Variants in PRMT8 observed in about 807,000 individuals in gnomAD.
PRMT8 encodes protein arginine N-methyltransferase 8.
Under a neutral mutation model 47.1 loss-of-function variants are expected in PRMT8, and 7 were observed. The ratio of observed to expected loss-of-function variants is 0.15; its 90% CI spans 0.08 to 0.28. The LOEUF is 0.28. Among genes scored for constraint, PRMT8 ranks in the 10% least tolerant of loss-of-function variants. PRMT8 has a pLI of 1.00. For missense variants in PRMT8, 237 were observed against 505.4 expected (o/e 0.47, Z 5.09); for synonymous variants, 188 against 186.5 (o/e 1.01, Z -0.07).
At chr12:3,577,212 C>G (rs2137219508) in intron 7 of PRMT8, among the ~76,000 whole-genome samples, 1 of 152,272 alleles carries the variant, frequency 6.6e-6, no homozygotes, top group Admixed American at 6.5e-5. Context: ...AGGGCCCCAG[C>G]ACAGGGGCCC....
intron 1 of PRMT8, among the ~76,000 whole-genome samples, chr12:3,434,125 G>C (rs1333244299): frequency 6.6e-6 from 1 of 152,198 alleles, no homozygotes; most frequent in Non-Finnish European, 1.5e-5. Flanking sequence ...GTGACCTGGA[G>C]AGGATGATGA....
At chr12:3,434,555 G>T (rs1864717080) in intron 1 of PRMT8, among the ~76,000 whole-genome samples, 1 of 152,176 alleles carries the variant, frequency 6.6e-6, no homozygotes, top group Admixed American at 6.5e-5. Flanking sequence ...ATCCCCTACA[G>T]ATTCATCAGT....
chr12:3,553,788 T>C lies in PRMT8; in HGVS notation c.481+74T>C. The C allele has an allele frequency of 2.9e-6, 4 of 1,380,612 alleles. No individual in the cohort carries two copies. In the East Asian group the frequency reaches 9.1e-5, roughly 32 times the overall value. 85.5% of individuals were successfully genotyped at this position (1,380,612 alleles called of 1,614,324 possible). Reference sequence around the variant, plus strand: ...CTCACACTTTCTTGTTGGGATGGCATAGCGGGAGGAGCGCAGAGCACTTGG... The same window carrying C: ...CTCACACTTTCTTGTTGGGATGGCACAGCGGGAGGAGCGCAGAGCACTTGG... On this transcript the variant is annotated intron_variant, in intron 4 of 9. Coordinates refer to ENST00000382622, the MANE Select transcript of PRMT8 (RefSeq NM_019854.5).
intron 1 of PRMT8, among the ~76,000 whole-genome samples, chr12:3,421,016 A>G (rs1477350943): frequency 2.0e-5 from 3 of 152,242 alleles, no homozygotes; most frequent in African/African-American, 4.8e-5. Context: ...CAGGCATTCC[A>G]CTGGGAGGAG....
intron 1 of PRMT8, among the ~76,000 whole-genome samples, chr12:3,447,544 G>A (rs940566999): frequency 6.6e-6 from 1 of 152,042 alleles, no homozygotes; most frequent in Non-Finnish European, 1.5e-5. Flanking sequence ...TCAAGACGCA[G>A]CACAGACATC....
At chr12:3,427,359 T>C (rs1461977603) in intron 1 of PRMT8, among the ~76,000 whole-genome samples, 1 of 152,174 alleles carries the variant, frequency 6.6e-6, no homozygotes, top group East Asian at 1.9e-4. Context: ...GAAAAACCCA[T>C]TGTGTTTTTA....
intron 1 of PRMT8, among the ~76,000 whole-genome samples, chr12:3,524,880 G>T (rs1865929464): frequency 6.6e-6 from 1 of 152,162 alleles, no homozygotes; most frequent in South Asian, 2.1e-4. Flanking sequence ...TGAGTCCATT[G>T]TTTGGGTTTA....
In PRMT8 at chr12:3,593,693, A is replaced by C. The variant is rs1867364509; in HGVS notation, c.*511A>C. The C allele has an allele frequency of 6.0e-6, 1 of 165,750 alleles. No homozygotes were observed. The highest frequency in any genetic ancestry group is 6.3e-5 in the Admixed American group (1 of 15,884). The allele number at this position is 165,750 out of a possible 1,614,324, so 10.3% of individuals were successfully genotyped here. On this transcript the variant is annotated 3_prime_UTR_variant, in exon 10 of 10. Coordinates refer to ENST00000382622, the MANE Select transcript of PRMT8 (RefSeq NM_019854.5). The surrounding 1 kb of genome is among the most constrained non-coding windows in gnomAD (Gnocchi z 4.8). ...ACACCTGTATATGCGTGCATATACA[A>C]CCAAGTGGGTAGACCTAGGTGTTCT...
chr12:3,418,568 G>T (rs1430682795), intron 1 of PRMT8, among the ~76,000 whole-genome samples: 1 of 152,196 alleles, frequency 6.6e-6, no homozygotes, highest in South Asian at 2.1e-4. Context: ...GCTGCAAGGG[G>T]CATCCTGCTG....
intron 4 of PRMT8, 24 bp downstream of exon 4, chr12:3,553,738 T>C (rs1236939680): frequency 8.4e-6 from 13 of 1,552,722 alleles, no homozygotes; most frequent in Non-Finnish European, 1.2e-5. Flanking sequence ...CTGAGTGTTT[T>C]CTCCTGGATG....
At position 3,409,179 on chromosome 12, in the gene PRMT8, G is replaced by A. The variant is rs1187828377; in HGVS notation, c.48+27737G>A. On this transcript the variant is annotated intron_variant, in intron 1 of 9. Transcript: ENST00000452611. This position sits in a 1 kb window ranked among gnomAD's most constrained non-coding sequence, Gnocchi z 4.4. ...AATGCAGATGGCCCACAAAGCTGGT[G>A]TCGGTGACTCTGAGGCACACTGCAG... Among the ~76,000 whole-genome samples the A allele has an allele frequency of 6.6e-6, 1 of 152,172 alleles. No individual in the cohort carries two copies. The highest frequency in any genetic ancestry group is 2.4e-5 in the African/African-American group (1 of 41,438).
At chr12:3,440,931 A>G (rs1227024069) in intron 1 of PRMT8, among the ~76,000 whole-genome samples, 1 of 152,170 alleles carries the variant, frequency 6.6e-6, no homozygotes. Context: ...TTCTCTAAAG[A>G]TAGGGATTTA....
chr12:3,540,923 A>T, intron 2 of PRMT8, 132 bp downstream of exon 2: 1 of 1,108,376 alleles, frequency 9.0e-7, no homozygotes, highest in Middle Eastern at 2.6e-4. Flanking sequence ...GAGTCCTCTG[A>T]CCCTTTCTCC....
At chr12:3,587,415 A>G (rs1029066192) in intron 8 of PRMT8, among the ~76,000 whole-genome samples, 2 of 151,936 alleles carry the variant, frequency 1.3e-5, no homozygotes, top group African/African-American at 2.4e-5. Context: ...AAATATAAAT[A>G]TTGACTAGAA....
In PRMT8 at chr12:3,576,189, A is replaced by T. The variant is rs1591611593; in HGVS notation, c.713-682A>T. Among the ~76,000 whole-genome samples the T allele has an allele frequency of 6.6e-6, 1 of 152,312 alleles. No homozygotes were observed. Among genetic ancestry groups the T allele is most frequent in the African/African-American group, 2.4e-5 (1 of 41,578 alleles). On this transcript the variant is annotated intron_variant, in intron 6 of 9. Transcript: ENST00000382622. The surrounding 1 kb of genome is among the most constrained non-coding windows in gnomAD (Gnocchi z 4.0). ...GAGGGTTTGTGCTCCACTTGGGGGT[A>T]GTTCCTAATGGGGTGGATCCTTAGT...
intron 1 of PRMT8, among the ~76,000 whole-genome samples, chr12:3,533,472 C>T (rs1866066463): frequency 6.6e-6 from 1 of 152,348 alleles, no homozygotes; most frequent in Non-Finnish European, 1.5e-5. Flanking sequence ...TTTAGCTCAT[C>T]AGCAATCGTT....
intron 1 of PRMT8, among the ~76,000 whole-genome samples, chr12:3,477,670 A>G (rs563555774): frequency 7.2e-5 from 11 of 152,052 alleles, no homozygotes; most frequent in Non-Finnish European, 1.3e-4. Flanking sequence ...ATATCTCTCA[A>G]CCTTTTCCGA....
rs1865858490 is a variant in PRMT8 at position 3,520,140 on chromosome 12, C to A, written c.76-20466C>A. On this transcript the variant is annotated intron_variant, in intron 1 of 9. Coordinates refer to ENST00000382622, the MANE Select transcript of PRMT8 (RefSeq NM_019854.5). ...GAGGAGGAGGAAAAGCCACTGAGTC[C>A]CCTCCCAGAGTGGGGACAAACCGGA... Among the ~76,000 whole-genome samples the A allele has an allele frequency of 3.3e-5, 5 of 152,250 alleles. No homozygotes were observed. The South Asian group carries it at 1.0e-3, about 32-fold the overall frequency.
intron 1 of PRMT8, among the ~76,000 whole-genome samples, chr12:3,403,035 C>G (rs933924854): frequency 6.6e-5 from 10 of 152,132 alleles, no homozygotes; most frequent in Admixed American, 4.6e-4. Context: ...CACTGCAGCA[C>G]TATTTGCTAA....
Sources: allele counts gnomAD v4.1 joint callset (sites outside exome capture counted in the v4.1 genomes callset), GRCh38; gene constraint gnomAD v4.1.1; non-coding constraint Gnocchi (gnomAD v3.1); transcripts MANE v1.5; gene names NCBI Gene and HGNC (gene_info 2026-07-23, HGNC 2026-07-21).